RIMBP2: variants seen among roughly 807,000 people sequenced by gnomAD.
RIMBP2 encodes RIMS-binding protein 2.
Under a neutral mutation model 118.6 loss-of-function variants are expected in RIMBP2, and 48 were observed. The ratio of observed to expected loss-of-function variants is 0.40; its 90% CI spans 0.32 to 0.51. The LOEUF (loss-of-function observed/expected upper bound fraction) is 0.51, where lower values mean the gene tolerates loss of function less well. Ranked by LOEUF, RIMBP2 falls within the 20% of genes least tolerant of loss-of-function variation. RIMBP2 has a pLI of 0.41. For synonymous variants in RIMBP2, 762 were observed against 742.9 expected, an observed-to-expected ratio of 1.03 and a Z score of -0.42; for missense variants, 1,551 against 1,768.3, an observed-to-expected ratio of 0.88 and a Z score of 2.20.
At chr12:130,630,530 A>G (rs2061930132) in intron 1 of RIMBP2, among the ~76,000 whole-genome samples, 1 of 152,120 alleles carries the variant, frequency 6.6e-6, no homozygotes, top group Non-Finnish European at 1.5e-5. Flanking sequence ...ATCACGATAA[A>G]TTGAAAATTG....
At chr12:130,454,692 T>G (rs1345211697) in intron 7 of RIMBP2, among the ~76,000 whole-genome samples, 1 of 152,254 alleles carries the variant, frequency 6.6e-6, no homozygotes, top group Non-Finnish European at 1.5e-5. Context: ...ACCACTTTGT[T>G]TTTTTGGTTT....
chr12:130,402,994 G>T (rs1361395371), intron 21 of RIMBP2, among the ~76,000 whole-genome samples: 1 of 152,214 alleles, frequency 6.6e-6, no homozygotes, highest in Non-Finnish European at 1.5e-5. Flanking sequence ...GGAGGAAAAG[G>T]CCAGGGAGGA....
Position 130,450,977 on chromosome 12 carries a change from C to G in RIMBP2, c.504+218G>C, listed in dbSNP as rs1023644136. Among the ~76,000 whole-genome samples, 1 of 152,230 alleles carries G rather than the reference C, an allele frequency of 6.6e-6. No individual in the cohort carries two copies. Among genetic ancestry groups the G allele is most frequent in the African/African-American group, 2.4e-5 (1 of 41,456 alleles). ...CTGCCTCGCCAGTGTTCTCTCTGCTCCCCCTTAGAACAGGGACCTCACCTG... is the reference window on the plus strand; with the variant it reads ...CTGCCTCGCCAGTGTTCTCTCTGCTGCCCCTTAGAACAGGGACCTCACCTG... On this transcript the variant is annotated intron_variant, in intron 8 of 22. Coordinates refer to ENST00000690449, the MANE Select transcript of RIMBP2 (RefSeq NM_001393629.1). This position sits in a 1 kb window ranked among gnomAD's most constrained non-coding sequence, Gnocchi z 4.8.
At chr12:130,681,652 C>G (rs971299830) in intron 1 of RIMBP2, among the ~76,000 whole-genome samples, 1 of 152,122 alleles carries the variant, frequency 6.6e-6, no homozygotes, top group Admixed American at 6.5e-5. Context: ...GATGCGATAA[C>G]TCTTTATCCA....
chr12:130,424,520 C>T lies in RIMBP2; in HGVS notation c.2751G>A (p.Pro917=), dbSNP rs551466445. Residue 917 remains proline, a synonymous_variant, in exon 16 of 23, where the codon CCG becomes CCA. Coordinates refer to ENST00000690449, the MANE Select transcript of RIMBP2 (RefSeq NM_001393629.1). The surrounding 1 kb of genome is among the most constrained non-coding windows in gnomAD (Gnocchi z 9.8). ...CACTCCCACAGTCCAGGCCGCTGTC[C>T]GGGCTCCGGGTGGCCGAGCGGCTGA... is the stretch of plus-strand genomic sequence containing the variant. ...CRFSRSATRS[P]DSGLDCGSEE... is the part of the protein sequence containing the mutation. The T allele has an allele frequency of 2.7e-5, 33 of 1,231,994 alleles. No homozygotes were observed. Among genetic ancestry groups the T allele is most frequent in the Admixed American group, 2.1e-4 (5 of 23,724 alleles). 76.3% of individuals were successfully genotyped at this position (1,231,994 alleles called of 1,614,324 possible).
At chr12:130,568,038 T>C (rs2057357557) in intron 2 of RIMBP2, among the ~76,000 whole-genome samples, 1 of 152,146 alleles carries the variant, frequency 6.6e-6, no homozygotes, top group African/African-American at 2.4e-5. Context: ...ATATGATGTT[T>C]CCTCCAAAAG....
chr12:130,474,532 T>G (rs987634678), intron 5 of RIMBP2, among the ~76,000 whole-genome samples: 5 of 152,186 alleles, frequency 3.3e-5, no homozygotes, highest in Non-Finnish European at 5.9e-5. Context: ...AACAGCCACA[T>G]GAGCGAGCAG....
Position 130,525,333 on chromosome 12 carries a change from G to A in RIMBP2, c.-216-7416C>T, listed in dbSNP as rs1380024671. Among the ~76,000 whole-genome samples, 1 of 152,184 alleles carries A rather than the reference G, an allele frequency of 6.6e-6. No individual in the cohort carries two copies. The highest frequency in any genetic ancestry group is 2.4e-5 in the African/African-American group (1 of 41,442). On this transcript the variant is annotated intron_variant, in intron 2 of 22. Coordinates refer to ENST00000690449, the MANE Select transcript of RIMBP2 (RefSeq NM_001393629.1). This position sits in a 1 kb window ranked among gnomAD's most constrained non-coding sequence, Gnocchi z 4.4. The stretch of plus-strand genomic sequence containing the variant: ...ACCTCCAGGAGAGGCTCTGGTGATG[G>A]GATAAGCAGAGGGCAGCATCAATGG...
At chr12:130,591,357 T>C (rs1286218654) in intron 2 of RIMBP2, among the ~76,000 whole-genome samples, 2 of 152,126 alleles carry the variant, frequency 1.3e-5, no homozygotes, top group African/African-American at 2.4e-5. Context: ...TGACAGAGGA[T>C]TCATAAATGG....
chr12:130,676,752 T>C (rs1340833470), intron 1 of RIMBP2, among the ~76,000 whole-genome samples: 2 of 152,028 alleles, frequency 1.3e-5, no homozygotes, highest in African/African-American at 2.4e-5. Context: ...AAATGTACCA[T>C]GAGAAGAGAC....
At chr12:130,686,378 C>T (rs2065045261) in intron 1 of RIMBP2, among the ~76,000 whole-genome samples, 1 of 152,232 alleles carries the variant, frequency 6.6e-6, no homozygotes, top group Non-Finnish European at 1.5e-5. Context: ...ATTGCTCAAA[C>T]CCTCCCCAGG....
At chr12:130,568,928 CG>C (rs1181006981) in intron 2 of RIMBP2, among the ~76,000 whole-genome samples, 1 of 152,032 alleles carries the variant, frequency 6.6e-6, no homozygotes, top group Non-Finnish European at 1.5e-5. Flanking sequence ...TAAAATGCCA[CG>C]TGCCCTCCTC....
At chr12:130,428,692 G>C (rs2076952014) in intron 14 of RIMBP2, 1 of 186,136 alleles carries the variant, frequency 5.4e-6, no homozygotes, top group African/African-American at 2.3e-5. Flanking sequence ...CTGGACAAAG[G>C]CTCCAAACTC....
intron 1 of RIMBP2, among the ~76,000 whole-genome samples, chr12:130,639,153 C>T (rs1373635223): frequency 2.6e-5 from 4 of 151,926 alleles, no homozygotes; most frequent in East Asian, 1.9e-4. Context: ...TTTGGGAGGC[C>T]GAGGCGGGTA....
At chr12:130,429,615 G>T (rs190832038) in intron 14 of RIMBP2, 6 of 152,230 alleles carry the variant, frequency 3.9e-5, no homozygotes, top group Admixed American at 2.6e-4. Flanking sequence ...CAAGACAAAG[G>T]TATTCAATAG....
intron 2 of RIMBP2, among the ~76,000 whole-genome samples, chr12:130,538,082 T>C (rs1316173955): frequency 2.0e-5 from 3 of 152,154 alleles, no homozygotes; most frequent in Non-Finnish European, 2.9e-5. Context: ...TAGGGCCTCA[T>C]GCAGTCCTCA....
chr12:130,462,535 C>T (rs1297831697), intron 6 of RIMBP2, among the ~76,000 whole-genome samples: 1 of 152,226 alleles, frequency 6.6e-6, no homozygotes, highest in Non-Finnish European at 1.5e-5. Flanking sequence ...GCTCACACAT[C>T]TTAGCACTGC....
intron 2 of RIMBP2, among the ~76,000 whole-genome samples, chr12:130,535,767 A>G (rs200315054): frequency 0.18 from 11,081 of 62,978 alleles, 557 homozygotes; most frequent in East Asian, 0.37. Flanking sequence ...ATATATATAT[A>G]TATATATATA....
intron 4 of RIMBP2, among the ~76,000 whole-genome samples, chr12:130,505,159 T>C (rs963062120): frequency 1.3e-5 from 2 of 152,160 alleles, no homozygotes; most frequent in African/African-American, 4.8e-5. Flanking sequence ...GGTTACATCC[T>C]GAAAACTTAG....
Sources: gnomAD v4.1 joint callset for allele counts (sites outside exome capture counted in the v4.1 genomes callset) on GRCh38, gnomAD v4.1.1 for gene constraint, Gnocchi (gnomAD v3.1) non-coding constraint, MANE v1.5 for transcripts, NCBI Gene and HGNC (gene_info 2026-07-23, HGNC 2026-07-21) for gene names.